ZIK1: variants seen among roughly 807,000 people sequenced by gnomAD.
The protein encoded by ZIK1 is zinc finger protein interacting with ribonucleoprotein K.
A neutral mutation model predicts 10.7 loss-of-function variants in ZIK1; 12 were observed. That is an observed-to-expected ratio of 1.12 (90% CI 0.72 to 1.81). The LOEUF is 1.81. Ranked by LOEUF, ZIK1 falls within the 40% of genes most tolerant of loss-of-function variation. The pLI is 0.00. For synonymous variants in ZIK1, 190 were observed against 205.0 expected (o/e 0.93, Z 0.63); for missense variants, 497 against 585.7 (o/e 0.85, Z 1.56).
chr19:57,585,375 G>A (rs1371961251), intron 2 of ZIK1, among the ~76,000 whole-genome samples: 4 of 152,144 alleles, frequency 2.6e-5, no homozygotes, highest in African/African-American at 7.2e-5. Context: ...AGAAGAGAAC[G>A]GAGGTTATCT....
chr19:57,589,824 G>C (rs1312804024), intron 3 of ZIK1, 187 bp from the exon 4 acceptor site: 1 of 674,464 alleles, frequency 1.5e-6, no homozygotes, highest in Non-Finnish European at 1.8e-6. Context: ...CCTTTATTTG[G>C]TGAGGCCTCC....
Position 57,589,261 on chromosome 19 carries a change from C to CT in ZIK1, c.199+597dup, listed in dbSNP as rs373432864. 215 of 985,096 alleles carry CT rather than the reference C, an allele frequency of 2.2e-4. 2 individuals are homozygous for CT. In the African/African-American group the frequency reaches 2.9e-3, roughly 13 times the overall value. 61.0% of individuals were successfully genotyped at this position (985,096 alleles called of 1,614,324 possible). ...GGTTGCTTTATAGGGTGAACATGGT[C>CT]TCAGAGAAGGCCTGGGCTTGTTGAG... On this transcript the variant is annotated intron_variant, in intron 3 of 3. Transcript: ENST00000597850.
In ZIK1 at chr19:57,588,547, G is replaced by A. The variant is rs753619429; in HGVS notation, c.81G>A (p.Val27=). The A allele has an allele frequency of 6.6e-7, 1 of 1,526,646 alleles. No individual in the cohort carries two copies. Among genetic ancestry groups the A allele is most frequent in the Non-Finnish European group, 8.8e-7 (1 of 1,130,634 alleles). 94.6% of individuals were successfully genotyped at this position (1,526,646 alleles called of 1,614,324 possible). A position where few individuals can be genotyped will look rare whatever the true frequency, so the allele number is the denominator to read the frequency against. ...TGTCCCCATCATGACAGGGCTGTGT[G>A]ACCTTTGAGGACATCGCCATTTACT... is the stretch of plus-strand genomic sequence containing the variant. ...ETHMDLTKGC[V]TFEDIAIYFS... The change falls in exon 3 of 4, where the codon GTG becomes GTA. Residue 27 remains valine, a synonymous_variant. Transcript: ENST00000597850.
At chr19:57,584,669 G>T (rs2123410994) in intron 1 of ZIK1, 2 of 1,372,740 alleles carry the variant, frequency 1.5e-6, no homozygotes, top group East Asian at 2.7e-5. Flanking sequence ...GTTGTGTACA[G>T]AAGCGGCATA....
At position 57,591,085 on chromosome 19, in the gene ZIK1, A is replaced by C; in HGVS notation, c.1274A>C (p.His425Pro). Residue 425 changes from histidine (H) to proline (P), a missense_variant, in exon 4 of 4, where the codon CAC becomes CCC. By Grantham distance (77) the His-to-Pro change is moderately conservative. Coordinates refer to ENST00000597850, the MANE Select transcript of ZIK1 (RefSeq NM_001010879.4). Reference sequence around the variant, plus strand: ...AGTCAAAGCTCCATCCTTATTCAACACCGGAGAATTCATACTGGAGCAAGG... The same window carrying C: ...AGTCAAAGCTCCATCCTTATTCAACCCCGGAGAATTCATACTGGAGCAAGG... Reference protein sequence around the residue: ...SFSQSSILIQHRRIHTGARPY... With the variant: ...SFSQSSILIQPRRIHTGARPY... 1.2e-6 allele frequency: 2 copies of C among 1,614,046 alleles called. No individual in the cohort carries two copies. Among genetic ancestry groups the C allele is most frequent in the Non-Finnish European group, 1.7e-6 (2 of 1,179,994 alleles).
Position 57,591,016 on chromosome 19 carries a change from C to G in ZIK1, c.1205C>G (p.Thr402Ser). 1 of 1,614,148 alleles carries G rather than the reference C, an allele frequency of 6.2e-7. No individual in the cohort carries two copies. The highest frequency in any genetic ancestry group is 1.1e-5 in the South Asian group (1 of 91,072). ...ATLIKHQRVH[T>S]GERPYKCGDC... ...CTCATTAAACACCAGAGAGTTCACA[C>G]TGGAGAAAGGCCTTATAAGTGTGGT... Residue 402 changes from threonine to serine, a missense_variant, in exon 4 of 4, where the codon ACT becomes AGT. Coordinates refer to ENST00000597850, the MANE Select transcript of ZIK1 (RefSeq NM_001010879.4).
Position 57,588,685 on chromosome 19 carries a change from T to C in ZIK1, c.199+20T>C. The stretch of plus-strand genomic sequence containing the variant: ...CACTGGGTAAGGCCCTAATACCAAC[T>C]CCAGTGTCCTGGTCTGTCTATGGTC... On this transcript the variant is annotated intron_variant, in intron 3 of 3. Transcript: ENST00000597850. The C allele has an allele frequency of 6.7e-7, 1 of 1,500,698 alleles. No homozygotes were observed. Among genetic ancestry groups the C allele is most frequent in the Non-Finnish European group, 8.9e-7 (1 of 1,118,694 alleles). The allele number at this position is 1,500,698 out of a possible 1,614,324, so 93.0% of individuals were successfully genotyped here.
intron 2 of ZIK1, among the ~76,000 whole-genome samples, chr19:57,585,591 G>C (rs1355562456): frequency 1.3e-5 from 2 of 152,202 alleles, no homozygotes; most frequent in Admixed American, 6.5e-5. Context: ...TGCATTTTCA[G>C]ATTTTGAGGG....
intron 3 of ZIK1, chr19:57,589,548 T>A: frequency 3.0e-6 from 3 of 985,374 alleles, no homozygotes; most frequent in Non-Finnish European, 3.6e-6. Flanking sequence ...GACACACACA[T>A]AATGTCTCAT....
chr19:57,590,427 A>G lies in ZIK1; in HGVS notation c.616A>G (p.Ser206Gly). 5 of 1,614,186 alleles carry G rather than the reference A, an allele frequency of 3.1e-6. No homozygotes were observed. The highest frequency in any genetic ancestry group is 4.2e-6 in the Non-Finnish European group (5 of 1,180,006). Reference sequence around the variant, plus strand: ...TACTGAATGTGGGGAGGACATTCGCAGTCAAAAAAGTCATTACAAGTCAGG... The same window carrying G: ...TACTGAATGTGGGGAGGACATTCGCGGTCAAAAAAGTCATTACAAGTCAGG... ...TITECGEDIR[S>G]QKSHYKSGEC... The change falls in exon 4 of 4, where the codon AGT (serine) becomes GGT (glycine). Residue 206 changes from serine to glycine, a missense_variant. By Grantham distance (56) the Ser-to-Gly change is moderately conservative. Coordinates refer to ENST00000597850, the MANE Select transcript of ZIK1 (RefSeq NM_001010879.4).
Position 57,592,745 on chromosome 19 carries a change from C to T in ZIK1, c.*1470C>T, listed in dbSNP as rs1027070948. 1 of 152,172 alleles carries T rather than the reference C, an allele frequency of 6.6e-6. No individual in the cohort carries two copies. The highest frequency in any genetic ancestry group is 2.4e-5 in the African/African-American group (1 of 41,436). The allele number at this position is 152,172 out of a possible 1,614,324, so 9.4% of individuals were successfully genotyped here. A position where few individuals can be genotyped will look rare whatever the true frequency, so the allele number is the denominator to read the frequency against. ...TTCTGGTTTCTGAAAGTTGGGTGAT[C>T]AGATACTTTATTGTGAAACATGTTT... On this transcript the variant is annotated 3_prime_UTR_variant, in exon 4 of 4. Transcript: ENST00000597850.
chr19:57,584,541 T>A (rs913948461), intron 1 of ZIK1, 152 bp downstream of exon 1: 6 of 1,419,920 alleles, frequency 4.2e-6, no homozygotes, highest in Non-Finnish European at 5.5e-6. Context: ...GGAAGAGGGT[T>A]ACAGGCAAAG....
In ZIK1 at chr19:57,593,208, A is replaced by ATTTTTTTTTTTTTTTTTTT. The variant is rs1227700686; in HGVS notation, c.*1938_*1939insTTTTTTTTTTTTTTTTTTT. The ATTTTTTTTTTTTTTTTTTT allele has an allele frequency of 6.0e-5, 9 of 150,150 alleles. No homozygotes were observed. The highest frequency in any genetic ancestry group is 2.2e-4 in the African/African-American group (9 of 40,602). 9.3% of individuals were successfully genotyped at this position (150,150 alleles called of 1,614,324 possible). ...AGGCATGCACTACCACGCCCAACTA[A>ATTTTTTTTTTTTTTTTTTT]TTTTTGTATTTTTAGTAGAGATGTG... On this transcript the variant is annotated 3_prime_UTR_variant, in exon 4 of 4. Transcript: ENST00000597850.
Position 57,593,030 on chromosome 19 carries a change from T to C in ZIK1, c.*1755T>C, listed in dbSNP as rs1254793083. 1 of 151,960 alleles carries C rather than the reference T, an allele frequency of 6.6e-6. No homozygotes were observed. The highest frequency in any genetic ancestry group is 1.5e-5 in the Non-Finnish European group (1 of 68,034). 9.4% of individuals were successfully genotyped at this position (151,960 alleles called of 1,614,324 possible). On this transcript the variant is annotated 3_prime_UTR_variant, in exon 4 of 4. Transcript: ENST00000597850. ...TGAAACGTAAAATACTTACTCCATT[T>C]TTCCTGATGATGCACAATTTTTTTT...
Position 57,590,643 on chromosome 19 carries a change from C to T in ZIK1, c.832C>T (p.Gln278Ter). Residue 278 changes from glutamine to a stop codon, truncating the protein, a stop_gained, in exon 4 of 4, where the codon CAA becomes TAA. Coordinates refer to ENST00000597850, the MANE Select transcript of ZIK1 (RefSeq NM_001010879.4). LOFTEE classifies it low-confidence loss of function (END_TRUNC). Reference protein sequence around the residue: ...ECNECGKFFSQTSHLNDHRRI... With the variant: ...ECNECGKFFS ...CAATGAATGTGGAAAATTCTTTAGC[C>T]AAACCTCCCACCTGAATGATCATCG... The T allele has an allele frequency of 1.2e-6, 2 of 1,614,134 alleles. No homozygotes were observed. The highest frequency in any genetic ancestry group is 1.7e-6 in the Non-Finnish European group (2 of 1,180,022).
Position 57,591,741 on chromosome 19 carries a change from A to G in ZIK1, c.*466A>G. On this transcript the variant is annotated 3_prime_UTR_variant, in exon 4 of 4. Transcript: ENST00000597850. ...TCTTGGTCTCACATGACACTTGGTC[A>G]TTCTTCCAGCCTCCATGTCACCACG... 1 of 158,980 alleles carries G rather than the reference A, an allele frequency of 6.3e-6. No homozygotes were observed. Among genetic ancestry groups the G allele is most frequent in the Non-Finnish European group, 1.4e-5 (1 of 71,892 alleles). The allele number at this position is 158,980 out of a possible 1,614,324, so 9.8% of individuals were successfully genotyped here. A position where few individuals can be genotyped will look rare whatever the true frequency, so the allele number is the denominator to read the frequency against.
At position 57,584,387 on chromosome 19, in the gene ZIK1, C is replaced by T. The variant is rs763706137; in HGVS notation, c.31C>T (p.Gln11Ter). The change falls in exon 1 of 4, where the codon CAG becomes TAG. Residue 11 changes from glutamine to a stop codon, truncating the protein, a stop_gained and splice_region_variant. Coordinates refer to ENST00000597850, the MANE Select transcript of ZIK1 (RefSeq NM_001010879.4). LOFTEE classifies it high-confidence loss of function. ...TGCGGCCGCGCTGAGGGCCCCGACT[C>T]AGGTGAGCGCTGCCTCTACTGGGCC... MAAAALRAPTQVTVSPETHMD... is the reference protein window; with the variant it reads MAAAALRAPT 2 of 1,607,996 alleles carry T rather than the reference C, an allele frequency of 1.2e-6. No individual in the cohort carries two copies. The highest frequency in any genetic ancestry group is 1.3e-5 in the African/African-American group (1 of 74,830).
intron 3 of ZIK1, chr19:57,589,563 T>C: frequency 1.0e-6 from 1 of 985,394 alleles, no homozygotes; most frequent in African/African-American, 1.7e-5. Context: ...TCTCATGAAG[T>C]ATGTATATAT....
At chr19:57,588,373 C>G (rs956031999) in intron 2 of ZIK1, among the ~76,000 whole-genome samples, 166 bp from the exon 3 acceptor site, 11 of 152,108 alleles carry the variant, frequency 7.2e-5, no homozygotes, top group African/African-American at 2.7e-4. Context: ...ATCCTGCCCA[C>G]CTCCTGGTTG....
Sources: gnomAD v4.1 joint callset for allele counts (sites outside exome capture counted in the v4.1 genomes callset) on GRCh38, gnomAD v4.1.1 for gene constraint, MANE v1.5 for transcripts, NCBI Gene and HGNC (gene_info 2026-07-23, HGNC 2026-07-21) for gene names.